ZNF707: variants seen among roughly 807,000 people sequenced by gnomAD.
The protein encoded by ZNF707 is zinc finger protein 707.
In ZNF707, 8 loss-of-function variants were observed where a neutral mutation model predicts 13.3. That is an observed-to-expected ratio of 0.60 (90% CI 0.35 to 1.09). ZNF707 has a LOEUF of 1.09. Among genes scored for constraint, ZNF707 ranks in the 50% least tolerant of loss-of-function variants. The pLI is 0.02. For missense variants in ZNF707, 530 were observed against 512.6 expected, an observed-to-expected ratio of 1.03 and a Z score of -0.33; for synonymous variants, 225 against 205.6, an observed-to-expected ratio of 1.09 and a Z score of -0.81.
intron 3 of ZNF707, 68 bp downstream of exon 3, chr8:143,690,191 A>G: frequency 1.9e-6 from 3 of 1,580,198 alleles, no homozygotes; most frequent in Non-Finnish European, 2.6e-6. Context: ...CCCAGCACAC[A>G]CGCGGGGAGG....
intron 5 of ZNF707, chr8:143,692,143 T>G (rs1816868869): frequency 7.7e-7 from 1 of 1,302,600 alleles, no homozygotes; most frequent in African/African-American, 1.5e-5. Context: ...CTCCACGTCC[T>G]TGTTTGCAAA....
intron 3 of ZNF707, chr8:143,690,856 G>A: frequency 3.2e-6 from 2 of 631,652 alleles, no homozygotes; most frequent in South Asian, 2.2e-5. Context: ...ATGGGTCAGG[G>A]CCCCTCCCTT....
intron 2 of ZNF707, 51 bp from the exon 3 acceptor site, chr8:143,690,006 G>T: frequency 6.7e-7 from 1 of 1,493,184 alleles, no homozygotes; most frequent in Non-Finnish European, 9.2e-7. Flanking sequence ...GGTCAGGTGC[G>T]GGGGGCATTC....
chr8:143,694,369 G>A lies in ZNF707; in HGVS notation c.955G>A (p.Ala319Thr), dbSNP rs782651332. The A allele has an allele frequency of 1.2e-6, 2 of 1,611,448 alleles. No homozygotes were observed. Among genetic ancestry groups the A allele is most frequent in the Non-Finnish European group, 1.7e-6 (2 of 1,179,256 alleles). The change falls in exon 6 of 6, where the codon GCC (alanine) becomes ACC (threonine). Residue 319 changes from alanine (A) to threonine (T), a missense_variant. Transcript: ENST00000358656. This position sits in a 1 kb window ranked among gnomAD's most constrained non-coding sequence, Gnocchi z 4.4. ...VHSGEKPYTC[A>T]ECGKSFRWPK... is the part of the protein sequence containing the mutation. ...CAGCGGGGAGAAGCCCTACACCTGT[G>A]CCGAGTGCGGCAAGTCCTTCCGGTG... is the stretch of plus-strand genomic sequence containing the variant.
intron 1 of ZNF707, among the ~76,000 whole-genome samples, chr8:143,685,996 T>A (rs1554611883): frequency 6.6e-6 from 1 of 152,240 alleles, no homozygotes; most frequent in African/African-American, 2.4e-5. Flanking sequence ...TTTCCTGGCC[T>A]ATCTCACGGT....
intron 5 of ZNF707, among the ~76,000 whole-genome samples, chr8:143,692,883 C>A (rs1020806878): frequency 6.6e-6 from 1 of 151,032 alleles, no homozygotes; most frequent in Admixed American, 6.6e-5. Flanking sequence ...GGTGTCGCAT[C>A]CCCGGGTGTG....
chr8:143,692,135 C>T (rs1389736527), intron 5 of ZNF707: 16 of 1,306,606 alleles, frequency 1.2e-5, no homozygotes, highest in Non-Finnish European at 1.3e-5. Context: ...GGAGTTTGCT[C>T]CACGTCCTTG....
At position 143,694,046 on chromosome 8, in the gene ZNF707, A is replaced by G. The variant is rs537824762; in HGVS notation, c.632A>G (p.Gln211Arg). 9.0e-5 allele frequency: 145 copies of G among 1,607,684 alleles called. 1 individual carries two copies. Among genetic ancestry groups the G allele is most frequent in the South Asian group, 7.2e-4 (65 of 90,672 alleles). The change falls in exon 6 of 6, where the codon CAG becomes CGG. Residue 211 changes from glutamine to arginine, a missense_variant. Transcript: ENST00000358656. This position sits in a 1 kb window ranked among gnomAD's most constrained non-coding sequence, Gnocchi z 4.4. ...TKAFECPECG[Q>R]TFRWASNLQR... ...GCCTTCGAGTGCCCCGAGTGCGGCC[A>G]GACCTTCCGGTGGGCTTCAAACCTG...
chr8:143,688,984 C>G (rs963900251), intron 1 of ZNF707: 1 of 152,244 alleles, frequency 6.6e-6, no homozygotes, highest in Non-Finnish European at 1.5e-5. Context: ...GACTGGATAG[C>G]GTCTGCTCTT....
At chr8:143,690,588 T>C (rs1432684374) in intron 3 of ZNF707, among the ~76,000 whole-genome samples, 1 of 151,148 alleles carries the variant, frequency 6.6e-6, no homozygotes, top group Non-Finnish European at 1.5e-5. Flanking sequence ...GAAAAGAAAA[T>C]TGGATTCATT....
chr8:143,691,461 T>A (rs1019801186), intron 4 of ZNF707, 139 bp from the exon 5 acceptor site: 62 of 1,073,680 alleles, frequency 5.8e-5, no homozygotes, highest in Non-Finnish European at 8.1e-5. Flanking sequence ...CTTCCTGTCA[T>A]CTCTGCTTTG....
intron 3 of ZNF707, among the ~76,000 whole-genome samples, chr8:143,690,641 TTCTC>T (rs1554613280): frequency 4.6e-5 from 7 of 152,248 alleles, no homozygotes; most frequent in African/African-American, 1.7e-4. Context: ...GTAGACTAGA[TTCTC>T]TTAGTCCACT....
Position 143,691,686 on chromosome 8 carries a change from C to A in ZNF707, c.229C>A (p.Gln77Lys). The change falls in exon 5 of 6, where the codon CAG (glutamine) becomes AAG (lysine). Residue 77 changes from glutamine to lysine, a missense_variant. Physicochemically the swap from Gln to Lys is moderately conservative, Grantham distance 53. Transcript: ENST00000358656. Reference sequence around the variant, plus strand: ...TGAAGACCGGGAGAGACCTGAGTTCCAGGCAGTGCAGAGGGGACCCCGGCC... The same window carrying A: ...TGAAGACCGGGAGAGACCTGAGTTCAAGGCAGTGCAGAGGGGACCCCGGCC... ...WVEDRERPEF[Q>K]AVQRGPRPGA... The A allele has an allele frequency of 6.2e-7, 1 of 1,601,412 alleles. No individual in the cohort carries two copies. Among genetic ancestry groups the A allele is most frequent in the East Asian group, 2.3e-5 (1 of 44,142 alleles).
Position 143,691,665 on chromosome 8 carries a change from G to A in ZNF707, c.208G>A (p.Asp70Asn). The A allele has an allele frequency of 6.2e-7, 1 of 1,607,230 alleles. No homozygotes were observed. The highest frequency in any genetic ancestry group is 1.1e-5 in the South Asian group (1 of 89,144). ...ACAGTGGGAGGAGCCGTGGGTTGAAGACCGGGAGAGACCTGAGTTCCAGGC... is the reference window on the plus strand; with the variant it reads ...ACAGTGGGAGGAGCCGTGGGTTGAAAACCGGGAGAGACCTGAGTTCCAGGC... ...LEQWEEPWVE[D>N]RERPEFQAVQ... Residue 70 changes from aspartate (D) to asparagine (N), a missense_variant, in exon 5 of 6, where the codon GAC (aspartate) becomes AAC (asparagine). Asp to Asn is a conservative substitution (Grantham distance 23, BLOSUM62 1). Coordinates refer to ENST00000358656, the MANE Select transcript of ZNF707 (RefSeq NM_001100598.2).
intron 3 of ZNF707, among the ~76,000 whole-genome samples, chr8:143,690,574 A>G (rs1240098924): frequency 6.6e-6 from 1 of 152,176 alleles, no homozygotes; most frequent in Non-Finnish European, 1.5e-5. Flanking sequence ...AAGAAAAAAA[A>G]AAAGAAAAGA....
intron 5 of ZNF707, chr8:143,692,048 T>G: frequency 7.2e-7 from 1 of 1,388,730 alleles, no homozygotes; most frequent in Non-Finnish European, 9.5e-7. Flanking sequence ...GTGTCTGACC[T>G]CCCTGTGATG....
chr8:143,694,792 G>T lies in ZNF707; in HGVS notation c.*262G>T, dbSNP rs373655808. The T allele has an allele frequency of 2.1e-6, 1 of 469,498 alleles. No homozygotes were observed. Among genetic ancestry groups the T allele is most frequent in the Non-Finnish European group, 3.7e-6 (1 of 267,492 alleles). 29.1% of individuals were successfully genotyped at this position (469,498 alleles called of 1,614,324 possible). A position where few individuals can be genotyped will look rare whatever the true frequency, so the allele number is the denominator to read the frequency against. ...CCGGCGCCGGGCATCCTGGGGATGT[G>T]CTGAGAGTGTGCGCGACCCCGGAGC... On this transcript the variant is annotated 3_prime_UTR_variant, in exon 6 of 6. Coordinates refer to ENST00000358656, the MANE Select transcript of ZNF707 (RefSeq NM_001100598.2). The surrounding 1 kb of genome is among the most constrained non-coding windows in gnomAD (Gnocchi z 4.4).
chr8:143,693,888 G>C lies in ZNF707; in HGVS notation c.474G>C (p.Gly158=). 7.5e-6 allele frequency: 12 copies of C among 1,606,568 alleles called. No individual in the cohort carries two copies. The highest frequency in any genetic ancestry group is 1.0e-5 in the Non-Finnish European group (12 of 1,175,742). ...GTCAGGTGCTCACGCAGCGTTGTGG[G>C]CGGCGGCCGGGCCGCAGAGAGCGCC... is the stretch of plus-strand genomic sequence containing the variant. ...FPCQVLTQRC[G]RRPGRRERRK... Residue 158 remains glycine (G), a synonymous_variant, in exon 6 of 6, where the codon GGG becomes GGC. Coordinates refer to ENST00000358656, the MANE Select transcript of ZNF707 (RefSeq NM_001100598.2). This position sits in a 1 kb window ranked among gnomAD's most constrained non-coding sequence, Gnocchi z 4.1.
At chr8:143,691,526 C>T in intron 4 of ZNF707, 74 bp from the exon 5 acceptor site, 1 of 1,474,430 alleles carries the variant, frequency 6.8e-7, no homozygotes, top group Non-Finnish European at 9.2e-7. Flanking sequence ...GGCTGATGCA[C>T]AACTGCTCTG....
Sources: allele counts gnomAD v4.1 joint callset (sites outside exome capture counted in the v4.1 genomes callset), GRCh38; gene constraint gnomAD v4.1.1; non-coding constraint Gnocchi (gnomAD v3.1); transcripts MANE v1.5; gene names NCBI Gene and HGNC (gene_info 2026-07-23, HGNC 2026-07-21).